Variants in ATG7 observed in about 807,000 individuals in gnomAD.
ATG7 encodes ubiquitin-like modifier-activating enzyme ATG7.
ATG7 carries 70 observed loss-of-function variants against 82.4 expected under a neutral mutation model. The observed-to-expected ratio is 0.85, with a 90% CI of 0.70 to 1.04. The LOEUF (loss-of-function observed/expected upper bound fraction) is 1.04. Ranked by LOEUF, ATG7 falls within the 50% of genes least tolerant of loss-of-function variation. The pLI is 0.00. For missense variants in ATG7, 792 were observed against 864.3 expected (o/e 0.92, Z 1.05); for synonymous variants, 287 against 313.0 (o/e 0.92, Z 0.88).
chr3:11,379,794 T>C (rs574719841), intron 18 of ATG7, among the ~76,000 whole-genome samples, 178 bp from the exon 19 acceptor site: 4 of 152,342 alleles, frequency 2.6e-5, no homozygotes, highest in African/African-American at 9.6e-5. Flanking sequence ...ATATAGTTCT[T>C]CTGCAAACTG....
intron 20 of ATG7, among the ~76,000 whole-genome samples, chr3:11,505,160 G>T (rs990572215): frequency 6.6e-6 from 1 of 152,172 alleles, no homozygotes; most frequent in Non-Finnish European, 1.5e-5. Flanking sequence ...TTTAAACTAT[G>T]TTCATACATA....
intron 19 of ATG7, among the ~76,000 whole-genome samples, chr3:11,410,770 G>T (rs2080819858): frequency 6.6e-6 from 1 of 152,126 alleles, no homozygotes; most frequent in Non-Finnish European, 1.5e-5. Context: ...ATATTTCATT[G>T]TATGTAGCAT....
At chr3:11,461,304 GTGATTGGGGTCAGAAAT>G (rs2086276455) in intron 20 of ATG7, among the ~76,000 whole-genome samples, 1 of 152,234 alleles carries the variant, frequency 6.6e-6, no homozygotes. Context: ...ATAGGGAATA[GTGATTGGGGTCAGAAAT>G]GGCATCACTG....
intron 20 of ATG7, among the ~76,000 whole-genome samples, chr3:11,523,983 C>T (rs1473547239): frequency 6.6e-6 from 1 of 152,194 alleles, no homozygotes; most frequent in Non-Finnish European, 1.5e-5. Flanking sequence ...TGCATGTTGA[C>T]ACTAGCTGTG....
At chr3:11,561,934 CTG>C (rs2073055089), downstream of ATG7, among the ~76,000 whole-genome samples, 1 of 137,346 alleles carries the variant, frequency 7.3e-6, no homozygotes, top group Non-Finnish European at 1.5e-5. Flanking sequence ...AAGTCTCACT[CTG>C]TCGTCCAGGC....
chr3:11,478,752 T>G (rs2088558084), intron 20 of ATG7, among the ~76,000 whole-genome samples: 1 of 152,126 alleles, frequency 6.6e-6, no homozygotes, highest in Admixed American at 6.5e-5. Flanking sequence ...TCAGTCTTCC[T>G]TATGGAGAAG....
chr3:11,509,528 T>C (rs2091936042), intron 20 of ATG7, among the ~76,000 whole-genome samples: 1 of 152,160 alleles, frequency 6.6e-6, no homozygotes, highest in Admixed American at 6.6e-5. Flanking sequence ...ATTGTTTGTA[T>C]TTTATGAGCG....
Position 11,315,512 on chromosome 3 carries a change from A to G in ATG7, c.678+19A>G. On this transcript the variant is annotated intron_variant, in intron 9 of 20. Coordinates refer to ENST00000693202, the MANE Select transcript of ATG7 (RefSeq NM_001349232.2). ...GACGAAGGTCAGATAAACTTTGAGT[A>G]TCATTTTATTATATAGTTTTTTAAA... 6.4e-7 allele frequency: 1 copy of G among 1,554,648 alleles called. No homozygotes were observed. Among genetic ancestry groups the G allele is most frequent in the South Asian group, 1.2e-5 (1 of 81,514 alleles).
Position 11,525,448 on chromosome 3 carries a change from A to ATTT in ATG7, c.2080-29344_2080-29342dup, listed in dbSNP as rs11310291. ...TAAGAGGTTCACAGTAAGACATGTG[A>ATTT]TTTTTTTTTTTTTTTTTTTTTACTC... On this transcript the variant is annotated intron_variant, in intron 20 of 20. Coordinates refer to ENST00000693202, the MANE Select transcript of ATG7 (RefSeq NM_001349232.2). Among the ~76,000 whole-genome samples the ATTT allele has an allele frequency of 4.2e-4, 51 of 121,122 alleles. 1 individual carries two copies. The highest frequency in any genetic ancestry group is 1.5e-3 in the African/African-American group (47 of 31,110). The allele number at this position is 121,122 out of a possible 152,430, so 79.5% of individuals were successfully genotyped here.
the ATG7 span, among the ~76,000 whole-genome samples, chr3:11,573,357 AAGAAAGAAAG>A: frequency 9.0e-6 from 1 of 110,720 alleles, no homozygotes. Flanking sequence ...GAAAGAAAGA[AAGAAAGAAAG>A]AAAGAAAGAA....
At chr3:11,368,655 G>A (rs955216946) in intron 18 of ATG7, among the ~76,000 whole-genome samples, 6 of 140,054 alleles carry the variant, frequency 4.3e-5, no homozygotes, top group East Asian at 3.9e-4. Context: ...GTGGTGGCAC[G>A]CACCTGTGGG....
intron 20 of ATG7, among the ~76,000 whole-genome samples, chr3:11,461,058 C>G (rs530874512): frequency 6.6e-6 from 1 of 152,152 alleles, no homozygotes; most frequent in African/African-American, 2.4e-5. Flanking sequence ...TCCAATCTAC[C>G]ACAATGGGTC....
intron 18 of ATG7, among the ~76,000 whole-genome samples, chr3:11,367,209 C>T (rs1313416778): frequency 6.6e-6 from 1 of 152,084 alleles, no homozygotes; most frequent in African/African-American, 2.4e-5. Flanking sequence ...ATCGTTTCCA[C>T]GTTTCCACAA....
Position 11,417,443 on chromosome 3 carries a change from A to G in ATG7, c.1957-9361A>G, listed in dbSNP as rs75730403. On this transcript the variant is annotated intron_variant, in intron 19 of 20. Coordinates refer to ENST00000693202, the MANE Select transcript of ATG7 (RefSeq NM_001349232.2). ...GTAATGCCCTTCTTTATCTAATAAC[A>G]TTATTTGCTTTGAAGTCTGTTCTAT... 7.9e-3 allele frequency among the ~76,000 whole-genome samples: 1,201 copies of G among 152,232 alleles called. 7 individuals are homozygous for G. Among genetic ancestry groups the G allele is most frequent in the South Asian group, 0.023 (111 of 4,816 alleles).
At position 11,553,571 on chromosome 3, in the gene ATG7, C is replaced by T. The variant is rs1575311167; in HGVS notation, c.2080-1240C>T. ...CACCCTGGGGGAGTTTCCAGCCGCA[C>T]TGAGGATGAGCTCGGTGGGGACCTG... On this transcript the variant is annotated intron_variant, in intron 20 of 20. Transcript: ENST00000693202. Among the ~76,000 whole-genome samples, 3 of 152,326 alleles carry T rather than the reference C, an allele frequency of 2.0e-5. No homozygotes were observed. In the South Asian group the frequency reaches 6.2e-4, roughly 32 times the overall value.
At chr3:11,392,958 G>A (rs1248510038) in intron 19 of ATG7, among the ~76,000 whole-genome samples, 1 of 152,188 alleles carries the variant, frequency 6.6e-6, no homozygotes, top group Non-Finnish European at 1.5e-5. Context: ...GCATGTTCCT[G>A]TGGACTGGGA....
At chr3:11,573,316 G>GAAAGA in the ATG7 span, among the ~76,000 whole-genome samples, 1 of 20,754 alleles carries the variant, frequency 4.8e-5, no homozygotes, top group Non-Finnish European at 7.9e-5. Context: ...AGGAAGGAAG[G>GAAAGA]AAGAAAGAAA....
intron 3 of ATG7, 65 bp from the exon 4 acceptor site, chr3:11,298,621 G>A: frequency 1.4e-6 from 2 of 1,469,356 alleles, no homozygotes; most frequent in Non-Finnish European, 1.9e-6. Flanking sequence ...TATTACAAAT[G>A]TTCTTTCTCA....
intron 19 of ATG7, among the ~76,000 whole-genome samples, chr3:11,399,218 T>C (rs770063467): frequency 6.6e-6 from 1 of 152,088 alleles, no homozygotes; most frequent in Non-Finnish European, 1.5e-5. Flanking sequence ...TATGGTGGCC[T>C]GTACATATAG....
Sources: gnomAD v4.1 joint callset for allele counts (sites outside exome capture counted in the v4.1 genomes callset) on GRCh38, gnomAD v4.1.1 for gene constraint, MANE v1.5 for transcripts, NCBI Gene and HGNC (gene_info 2026-07-23, HGNC 2026-07-21) for gene names.